PPA2: variants seen among roughly 807,000 people sequenced by gnomAD.
The protein encoded by PPA2 is inorganic pyrophosphatase 2, also known as inorganic pyrophosphatase 2, mitochondrial.
In PPA2, 48 loss-of-function variants were observed where a neutral mutation model predicts 49.5. The ratio of observed to expected loss-of-function variants is 0.97; its 90% confidence interval spans 0.77 to 1.23. PPA2 has a LOEUF of 1.23. Ranked by LOEUF, PPA2 falls within the 50% of genes most tolerant of loss-of-function variation. The probability of loss-of-function intolerance (pLI) is 0.00; values close to 1 mark genes in which losing one functional copy is unlikely to be tolerated. For synonymous variants in PPA2, 131 were observed against 139.9 expected (o/e 0.94, Z 0.45); for missense variants, 429 against 410.1 (o/e 1.05, Z -0.40).
intron 9 of PPA2, among the ~76,000 whole-genome samples, chr4:105,393,032 G>A (rs997721386): frequency 3.3e-5 from 5 of 152,100 alleles, no homozygotes; most frequent in Non-Finnish European, 5.9e-5. Context: ...CATGGCAAAG[G>A]AAACAAAATG....
chr4:105,431,024 G>A (rs1272535349), intron 6 of PPA2, among the ~76,000 whole-genome samples: 1 of 152,158 alleles, frequency 6.6e-6, no homozygotes, highest in Non-Finnish European at 1.5e-5. Context: ...CTGAGCCAAA[G>A]CTTCTTCTCC....
chr4:105,464,570 G>A lies in PPA2; in HGVS notation c.158-7825C>T, dbSNP rs544278203. ...GGGCAGAATGATATGGTTTGGCTGT[G>A]TCCCCACCCAAATCTCATCTTGAAT... is the stretch of plus-strand genomic sequence containing the variant. On this transcript the variant is annotated intron_variant, in intron 1 of 11. Transcript: ENST00000341695. Among the ~76,000 whole-genome samples, 6 of 152,308 alleles carry A rather than the reference G, an allele frequency of 3.9e-5. No individual in the cohort carries two copies. The East Asian group carries it at 1.2e-3, about 29-fold the overall frequency.
At chr4:105,427,867 C>T (rs556674719) in intron 6 of PPA2, among the ~76,000 whole-genome samples, 5 of 152,144 alleles carry the variant, frequency 3.3e-5, no homozygotes, top group African/African-American at 7.2e-5. Context: ...AGATACTCCT[C>T]GAGAAGAGCA....
chr4:105,424,245 C>G lies in PPA2; in HGVS notation c.606G>C (p.Trp202Cys), dbSNP rs1723387280. 6.2e-7 allele frequency: 1 copy of G among 1,610,188 alleles called. No individual in the cohort carries two copies. Reference protein sequence around the residue: ...LALIDEGETDWKLIAINANDP... With the variant: ...LALIDEGETDCKLIAINANDP... Reference sequence around the variant, plus strand: ...CATTCGCATTGATAGCAATTAATTTCCAATCTGTTTCACCTTCATCAATAA... The same window carrying G: ...CATTCGCATTGATAGCAATTAATTTGCAATCTGTTTCACCTTCATCAATAA... Residue 202 changes from tryptophan to cysteine, a missense_variant, in exon 7 of 12, where the codon TGG (tryptophan) becomes TGC (cysteine). By Grantham distance (215) the Trp-to-Cys change is radical. Transcript: ENST00000341695.
intron 2 of PPA2, 124 bp from the exon 3 acceptor site, chr4:105,453,766 C>A: frequency 3.2e-6 from 2 of 624,124 alleles, no homozygotes; most frequent in South Asian, 3.7e-5. Flanking sequence ...AAATCTGAGT[C>A]AACAGAGAAC....
chr4:105,446,498 G>GC lies in PPA2; in HGVS notation c.325dup (p.Ala109GlyfsTer10). On this transcript the variant is annotated frameshift_variant, in exon 5 of 12. Coordinates refer to ENST00000341695, the MANE Select transcript of PPA2 (RefSeq NM_176869.3). LOFTEE classifies it high-confidence loss of function. ...AATGGGATTCATTGGCTCCTTGGTG[G>GC]CAATCTAAGCAAATCACAGAAGGAA... 6.3e-7 allele frequency: 1 copy of GC among 1,599,234 alleles called. No homozygotes were observed. Among genetic ancestry groups the GC allele is most frequent in the African/African-American group, 1.3e-5 (1 of 74,228 alleles).
At position 105,405,545 on chromosome 4, in the gene PPA2, A is replaced by G. The variant is rs1236865845; in HGVS notation, c.656-6381T>C. 5.3e-6 allele frequency: 5 copies of G among 934,918 alleles called. No homozygotes were observed. The Admixed American group carries it at 1.8e-4, about 33-fold the overall frequency. The allele number at this position is 934,918 out of a possible 1,614,324, so 57.9% of individuals were successfully genotyped here. A position where few individuals can be genotyped will look rare whatever the true frequency, so the allele number is the denominator to read the frequency against. ...AATTACTTGAGTGAAGTACTTATAA[A>G]TATTTATTTCTGAAATGAGGTTTTC... On this transcript the variant is annotated intron_variant, in intron 7 of 11. Transcript: ENST00000341695.
intron 5 of PPA2, among the ~76,000 whole-genome samples, chr4:105,440,027 A>C (rs183544355): frequency 1.4e-4 from 21 of 152,214 alleles, no homozygotes; most frequent in Admixed American, 5.2e-4. Context: ...AATCAGAATC[A>C]AACAACCTAC....
chr4:105,464,015 A>T (rs1723199440), intron 1 of PPA2, among the ~76,000 whole-genome samples: 1 of 152,166 alleles, frequency 6.6e-6, no homozygotes, highest in Non-Finnish European at 1.5e-5. Flanking sequence ...CTGTGAGAAG[A>T]GGGCCACTGT....
intron 6 of PPA2, among the ~76,000 whole-genome samples, chr4:105,432,959 T>C (rs560726173): frequency 6.6e-6 from 1 of 152,178 alleles, no homozygotes; most frequent in Middle Eastern, 3.2e-3. Context: ...TTATGTAAAA[T>C]TTGAAAATAA....
chr4:105,404,444 C>A (rs1722363800), intron 7 of PPA2, among the ~76,000 whole-genome samples: 2 of 152,106 alleles, frequency 1.3e-5, no homozygotes, highest in Non-Finnish European at 2.9e-5. Flanking sequence ...TAAAAATATT[C>A]AGAAAATAAT....
chr4:105,370,832 T>C lies in PPA2; in HGVS notation c.976+5A>G. The C allele has an allele frequency of 6.9e-7, 1 of 1,459,210 alleles. No homozygotes were observed. Among genetic ancestry groups the C allele is most frequent in the South Asian group, 1.3e-5 (1 of 75,978 alleles). The allele number at this position is 1,459,210 out of a possible 1,614,324, so 90.4% of individuals were successfully genotyped here. ...TTACTCTTAATGAATCAAAATATAC[T>C]ATACCTTCTTCATTACTTTCTTTAT... is the stretch of plus-strand genomic sequence containing the variant. On this transcript the variant is annotated splice_donor_5th_base_variant and intron_variant, in intron 11 of 11. Transcript: ENST00000341695.
intron 7 of PPA2, among the ~76,000 whole-genome samples, chr4:105,413,914 A>G (rs1722878227): frequency 6.6e-6 from 1 of 152,254 alleles, no homozygotes; most frequent in South Asian, 2.1e-4. Context: ...AACCTCTGTA[A>G]GCCAAAAGTC....
chr4:105,377,611 A>T (rs1360203314), intron 10 of PPA2, among the ~76,000 whole-genome samples: 2 of 152,158 alleles, frequency 1.3e-5, no homozygotes, highest in Non-Finnish European at 2.9e-5. Context: ...GTTTTGACAT[A>T]TATACACTCA....
intron 1 of PPA2, among the ~76,000 whole-genome samples, chr4:105,472,242 G>A (rs894211107): frequency 6.6e-6 from 1 of 152,186 alleles, no homozygotes; most frequent in Non-Finnish European, 1.5e-5. Flanking sequence ...GCGAGTTAAC[G>A]GCAGAGCCAA....
intron 10 of PPA2, among the ~76,000 whole-genome samples, chr4:105,379,318 A>C (rs2110365649): frequency 6.6e-6 from 1 of 152,008 alleles, no homozygotes; most frequent in South Asian, 2.1e-4. Flanking sequence ...CAGTACACAA[A>C]AATACTTGCT....
chr4:105,455,550 A>G (rs992287829), intron 2 of PPA2, among the ~76,000 whole-genome samples: 1 of 152,220 alleles, frequency 6.6e-6, no homozygotes, highest in Non-Finnish European at 1.5e-5. Flanking sequence ...AAATAAGGGT[A>G]CTAAATGTAA....
At chr4:105,429,470 G>GA (rs1380675007) in intron 6 of PPA2, among the ~76,000 whole-genome samples, 17 of 152,120 alleles carry the variant, frequency 1.1e-4, no homozygotes, top group Admixed American at 2.6e-4. Context: ...AAAAAGTTAA[G>GA]AAAAAAGTCA....
intron 4 of PPA2, among the ~76,000 whole-genome samples, chr4:105,448,373 A>G (rs1160671044): frequency 1.3e-5 from 2 of 152,148 alleles, no homozygotes; most frequent in Non-Finnish European, 2.9e-5. Context: ...AATAATGCCT[A>G]ATTTAAATAC....
Sources: allele counts gnomAD v4.1 joint callset (sites outside exome capture counted in the v4.1 genomes callset), GRCh38; gene constraint gnomAD v4.1.1; transcripts MANE v1.5; gene names NCBI Gene and HGNC (gene_info 2026-07-23, HGNC 2026-07-21).